SORCS2: variants seen among roughly 807,000 people sequenced by gnomAD.
The protein encoded by SORCS2 is sortilin related VPS10 domain containing receptor 2.
Under a neutral mutation model 141.6 loss-of-function variants are expected in SORCS2, and 100 were observed. That is an observed-to-expected ratio of 0.71 (90% CI 0.60 to 0.83). The LOEUF is 0.83. Among genes scored for constraint, SORCS2 ranks in the 40% least tolerant of loss-of-function variants. SORCS2 has a pLI of 0.00. For missense variants in SORCS2, 1,646 were observed against 1,560.2 expected (o/e 1.05, Z -0.93); for synonymous variants, 789 against 676.9 (o/e 1.17, Z -2.57).
rs142906695 is a variant in SORCS2 at position 7,589,465 on chromosome 4, C to T, written c.649-48863C>T. 3.4e-4 allele frequency among the ~76,000 whole-genome samples: 51 copies of T among 152,228 alleles called. 1 individual carries two copies. The East Asian group carries it at 6.8e-3, about 20-fold the overall frequency. The stretch of plus-strand genomic sequence containing the variant: ...TGGCCCAGGTTGGTGTGCAGTGGCA[C>T]GATCTCGGCTCATTGCAACCTCTAC... On this transcript the variant is annotated intron_variant, in intron 3 of 26. Coordinates refer to ENST00000507866, the MANE Select transcript of SORCS2 (RefSeq NM_020777.3).
In SORCS2 at chr4:7,597,182, G is replaced by A. The variant is rs147719397; in HGVS notation, c.649-41146G>A. ...AGGGGGTTATGGTAGTAGGGGAGGG[G>A]CTATTACAATGGAAGAGGGGGCTAT... On this transcript the variant is annotated intron_variant, in intron 3 of 26. Coordinates refer to ENST00000507866, the MANE Select transcript of SORCS2 (RefSeq NM_020777.3). Among the ~76,000 whole-genome samples the A allele has an allele frequency of 2.8e-3, 416 of 150,382 alleles. 3 individuals are homozygous for A. The highest frequency in any genetic ancestry group is 0.017 in the Middle Eastern group (5 of 292).
intron 2 of SORCS2, among the ~76,000 whole-genome samples, chr4:7,453,894 G>A (rs1728673006): frequency 7.2e-6 from 1 of 139,706 alleles, no homozygotes; most frequent in Admixed American, 7.1e-5. Flanking sequence ...GTCAGGAGGT[G>A]TGTGTTGGGT....
intron 19 of SORCS2, 50 bp downstream of exon 19, chr4:7,723,933 G>C (rs2148875867): frequency 6.6e-7 from 1 of 1,509,972 alleles, no homozygotes; most frequent in South Asian, 1.3e-5. Context: ...TTGAGAGAGA[G>C]AACCTGGCTT....
In SORCS2 at chr4:7,733,388, C is replaced by A; in HGVS notation, c.3175C>A (p.Arg1059=). 6.3e-7 allele frequency: 1 copy of A among 1,592,320 alleles called. No homozygotes were observed. The highest frequency in any genetic ancestry group is 8.5e-7 in the Non-Finnish European group (1 of 1,169,988). The stretch of plus-strand genomic sequence containing the variant: ...CAGCTTCCTCCTGCGAGGCGGAGTC[C>A]GGGTCCTGGTGGCCCTGCGGGACAC... ...KISFLLRGGV[R]VLVALRDTGT... The change falls in exon 24 of 27, where the codon CGG becomes AGG. Residue 1059 remains arginine (R), a synonymous_variant. Coordinates refer to ENST00000507866, the MANE Select transcript of SORCS2 (RefSeq NM_020777.3).
chr4:7,451,645 C>T (rs1400178131), intron 2 of SORCS2, among the ~76,000 whole-genome samples: 1 of 152,264 alleles, frequency 6.6e-6, no homozygotes, highest in African/African-American at 2.4e-5. Flanking sequence ...CCCATGGGCA[C>T]AGGTGGGGTT....
intron 3 of SORCS2, among the ~76,000 whole-genome samples, chr4:7,585,723 A>G (rs893405719): frequency 6.6e-6 from 1 of 152,132 alleles, no homozygotes; most frequent in Non-Finnish European, 1.5e-5. Context: ...AGTAATTCTG[A>G]TTCACCTCTC....
At chr4:7,500,987 C>G (rs11942787) in intron 2 of SORCS2, among the ~76,000 whole-genome samples, 3,338 of 152,332 alleles carry the variant, frequency 0.022, 125 homozygotes, top group African/African-American at 0.075. Context: ...AGCGTGGATC[C>G]AGCTCCACCC....
At chr4:7,247,866 G>A (rs1186009895) in intron 1 of SORCS2, among the ~76,000 whole-genome samples, 1 of 152,224 alleles carries the variant, frequency 6.6e-6, no homozygotes, top group Non-Finnish European at 1.5e-5. Flanking sequence ...GAGCAGAGGC[G>A]GAAGGCCTGC....
chr4:7,617,887 G>T lies in SORCS2; in HGVS notation c.649-20441G>T, dbSNP rs1163541345. Among the ~76,000 whole-genome samples the T allele has an allele frequency of 2.6e-5, 4 of 152,140 alleles. No individual in the cohort carries two copies. In the East Asian group the frequency reaches 5.8e-4, roughly 22 times the overall value. ...CGCCTACCGGTGCCGCCCCAGCTCT[G>T]CCTCACCTTCCAGCTGGGGCTTTCT... On this transcript the variant is annotated intron_variant, in intron 3 of 26. Transcript: ENST00000507866.
At chr4:7,368,783 A>C in intron 1 of SORCS2, among the ~76,000 whole-genome samples, 1 of 152,198 alleles carries the variant, frequency 6.6e-6, no homozygotes, top group Non-Finnish European at 1.5e-5. Context: ...CTCATCTTGA[A>C]TGGGAACTTC....
chr4:7,489,630 T>C (rs926758079), intron 2 of SORCS2, among the ~76,000 whole-genome samples: 1 of 152,190 alleles, frequency 6.6e-6, no homozygotes, highest in Non-Finnish European at 1.5e-5. Context: ...AAGTCTGTTA[T>C]TTAGAGTTTG....
At chr4:7,359,300 A>G (rs184267933) in intron 1 of SORCS2, among the ~76,000 whole-genome samples, 22 of 135,244 alleles carry the variant, frequency 1.6e-4, no homozygotes, top group Admixed American at 3.7e-4. Flanking sequence ...TGTTAAGCAA[A>G]CAAGCAAATA....
intron 2 of SORCS2, among the ~76,000 whole-genome samples, chr4:7,530,907 G>A (rs775517713): frequency 6.6e-6 from 1 of 152,184 alleles, no homozygotes. Flanking sequence ...ACTCCAGGGC[G>A]GGCATAGTGC....
Position 7,729,667 on chromosome 4 carries a change from G to A in SORCS2, c.3063G>A (p.Leu1021=). The part of the protein sequence containing the change: ...LPTLADLYVL[L]PPPRPTRKRS... ...CTTTGGCCGATCTGTACGTGCTCCT[G>A]CCCCCTCCCAGGCCCACAAGGAAGA... The change falls in exon 23 of 27, where the codon CTG becomes CTA. Residue 1021 remains leucine, a synonymous_variant. Coordinates refer to ENST00000507866, the MANE Select transcript of SORCS2 (RefSeq NM_020777.3). 1.2e-6 allele frequency: 2 copies of A among 1,608,468 alleles called. No individual in the cohort carries two copies. The highest frequency in any genetic ancestry group is 1.7e-6 in the Non-Finnish European group (2 of 1,177,658).
At chr4:7,468,584 C>T (rs113551145) in intron 2 of SORCS2, among the ~76,000 whole-genome samples, 4 of 152,346 alleles carry the variant, frequency 2.6e-5, no homozygotes, top group African/African-American at 4.8e-5. Context: ...TGCATCAACG[C>T]GTAGAGTGAA....
intron 2 of SORCS2, among the ~76,000 whole-genome samples, chr4:7,476,255 AT>A (rs1424831243): frequency 6.6e-6 from 1 of 152,196 alleles, no homozygotes; most frequent in Non-Finnish European, 1.5e-5. Context: ...ATAGACACAG[AT>A]TGATACATTT....
chr4:7,522,265 C>T (rs1366370230), intron 2 of SORCS2, among the ~76,000 whole-genome samples: 1 of 152,128 alleles, frequency 6.6e-6, no homozygotes, highest in Non-Finnish European at 1.5e-5. Context: ...ACATACGTCC[C>T]CGCCAATGGA....
At chr4:7,586,317 G>A (rs896178482) in intron 3 of SORCS2, among the ~76,000 whole-genome samples, 4 of 148,028 alleles carry the variant, frequency 2.7e-5, no homozygotes, top group African/African-American at 1.0e-4. Flanking sequence ...CAATGACGAT[G>A]TTTTTTCTTC....
At chr4:7,582,686 T>C (rs1716241413) in intron 3 of SORCS2, among the ~76,000 whole-genome samples, 1 of 152,060 alleles carries the variant, frequency 6.6e-6, no homozygotes, top group African/African-American at 2.4e-5. Flanking sequence ...AATTAAAGGA[T>C]ATAAAAAATG....
Sources: allele counts gnomAD v4.1 joint callset (sites outside exome capture counted in the v4.1 genomes callset), GRCh38; gene constraint gnomAD v4.1.1; transcripts MANE v1.5; gene names NCBI Gene and HGNC (gene_info 2026-07-23, HGNC 2026-07-21).